The following LZTR1 variants were observed in gnomAD, a reference collection of about 807,000 sequenced individuals.
LZTR1 encodes the protein leucine-zipper-like transcriptional regulator 1.
A neutral mutation model predicts 105.7 loss-of-function variants in LZTR1; 260 were observed. The ratio of observed to expected loss-of-function variants is 2.46; its 90% CI spans 2.22 to 2.72. The LOEUF is 2.72. Among genes scored for constraint, LZTR1 ranks in the 30% most tolerant of loss-of-function variants. LZTR1 has a pLI of 0.00. For missense variants in LZTR1, 1,214 were observed against 1,166.9 expected (o/e 1.04, Z -0.59); for synonymous variants, 490 against 476.4 (o/e 1.03, Z -0.37).
At chr22:20,992,033 G>A (rs1036539397) in intron 9 of LZTR1, among the ~76,000 whole-genome samples, 181 bp from the exon 10 acceptor site, 4 of 152,230 alleles carry the variant, frequency 2.6e-5, no homozygotes, top group South Asian at 2.1e-4. Context: ...GGTAGTTAAC[G>A]CTTCACACCC....
chr22:20,994,033 C>T lies in LZTR1; in HGVS notation c.1449+14C>T. The T allele has an allele frequency of 1.3e-6, 2 of 1,598,600 alleles. No individual in the cohort carries two copies. The highest frequency in any genetic ancestry group is 1.7e-6 in the Non-Finnish European group (2 of 1,174,434). ...AGGCTGGCCCAGGTGAGGTGCCTAA[C>T]CGCCCTGCCCTGACCTGGCAGCCAT... On this transcript the variant is annotated intron_variant, in intron 13 of 20. Transcript: ENST00000646124.
rs1025679501 is a variant in LZTR1, at chr22:20,994,125, C to A, written c.1471C>A (p.Pro491Thr). 1 of 1,585,634 alleles carries A rather than the reference C, an allele frequency of 6.3e-7. No individual in the cohort carries two copies. The highest frequency in any genetic ancestry group is 8.6e-7 in the Non-Finnish European group (1 of 1,164,642). Reference sequence around the variant, plus strand: ...ACAGAAGCTGGAGCAGGAGGCCGCCCCAGTTCCCAGGGAGGCCCCCGGCGT... The same window carrying A: ...ACAGAAGCTGGAGCAGGAGGCCGCCACAGTTCCCAGGGAGGCCCCCGGCGT... ...LAQKLEQEAA[P>T]VPREAPGVAA... Residue 491 changes from proline (P) to threonine (T), a missense_variant, in exon 14 of 21, where the codon CCA (proline) becomes ACA (threonine). Physicochemically the swap from Pro to Thr is conservative, Grantham distance 38. Transcript: ENST00000646124.
In LZTR1 at chr22:20,995,844, C is replaced by G; in HGVS notation, c.2041C>G (p.His681Asp). ...GCTTGACGGGCACCCACGGCCAGCC[C>G]ACAAGGCTATCCTGGCCGCCCGCTC... ...LLLDGHPRPA[H>D]KAILAARSSY... The change falls in exon 17 of 21, where the codon CAC becomes GAC. Residue 681 changes from histidine to aspartate, a missense_variant. By Grantham distance (81) the His-to-Asp change is moderately conservative (BLOSUM62 -1). Coordinates refer to ENST00000646124, the MANE Select transcript of LZTR1 (RefSeq NM_006767.4). The G allele has an allele frequency of 6.2e-7, 1 of 1,613,138 alleles. No individual in the cohort carries two copies. Among genetic ancestry groups the G allele is most frequent in the Non-Finnish European group, 8.5e-7 (1 of 1,179,976 alleles).
chr22:20,994,360 G>A (rs1245773113), intron 14 of LZTR1, 91 bp downstream of exon 14: 1 of 1,442,080 alleles, frequency 6.9e-7, no homozygotes, highest in Non-Finnish European at 9.4e-7. Context: ...CTGCCTTACT[G>A]ATGGGCCCCC....
chr22:20,993,124 C>A (rs191575028), intron 11 of LZTR1, among the ~76,000 whole-genome samples: 2 of 152,208 alleles, frequency 1.3e-5, no homozygotes, highest in Non-Finnish European at 2.9e-5. Flanking sequence ...TGCTGGGGCT[C>A]ACGGCAGAGT....
Position 20,991,683 on chromosome 22 carries a change from C to CG in LZTR1, c.849dup (p.Arg284AlafsTer10). 1.2e-6 allele frequency: 2 copies of CG among 1,603,742 alleles called. No individual in the cohort carries two copies. Among genetic ancestry groups the CG allele is most frequent in the Non-Finnish European group, 1.7e-6 (2 of 1,177,040 alleles). On this transcript the variant is annotated frameshift_variant, in exon 9 of 21. Transcript: ENST00000646124. LOFTEE classifies it high-confidence loss of function. The stretch of plus-strand genomic sequence containing the variant: ...CCGGGGCTCCCCACCACCCCCGCAG[C>CG]GGCGCTACGGGCATACCATGGTGGC...
chr22:20,993,628 T>A, intron 11 of LZTR1, 34 bp from the exon 12 acceptor site: 1 of 1,584,570 alleles, frequency 6.3e-7, no homozygotes. Flanking sequence ...CCCTGCTGTC[T>A]GCAACATCTA....
At chr22:20,991,426 AC>A in intron 8 of LZTR1, 2 of 581,748 alleles carry the variant, frequency 3.4e-6, no homozygotes, top group Non-Finnish European at 3.1e-6. Context: ...GCGGTGGGCC[AC>A]ATGGAGCCAG....
rs1555927174 is a variant in LZTR1, at chr22:20,984,614, G to GT, written c.264-1227_264-1226insT. Among the ~76,000 whole-genome samples the GT allele has an allele frequency of 1.5e-4, 17 of 115,408 alleles. 1 individual carries two copies. The South Asian group carries it at 2.7e-3, about 19-fold the overall frequency. The allele number at this position is 115,408 out of a possible 152,430, so 75.7% of individuals were successfully genotyped here. The stretch of plus-strand genomic sequence containing the variant: ...CTGCGGCACGTGGGGCAAGTAAGGA[G>GT]GGGGGGGGGGCGGTATCACAATCAC... On this transcript the variant is annotated intron_variant, in intron 2 of 20. Coordinates refer to ENST00000646124, the MANE Select transcript of LZTR1 (RefSeq NM_006767.4).
Position 20,997,546 on chromosome 22 carries a change from C to T in LZTR1, c.*198C>T. The T allele has an allele frequency of 1.8e-6, 1 of 553,086 alleles. No homozygotes were observed. Among genetic ancestry groups the T allele is most frequent in the East Asian group, 3.0e-5 (1 of 32,952 alleles). The allele number at this position is 553,086 out of a possible 1,614,324, so 34.3% of individuals were successfully genotyped here. ...TAATTCACTGAAGACACAGGTCCCA[C>T]AGGGAGCGGATGATGAAGCAGACCC... On this transcript the variant is annotated 3_prime_UTR_variant, in exon 21 of 21. Coordinates refer to ENST00000646124, the MANE Select transcript of LZTR1 (RefSeq NM_006767.4).
Position 20,996,754 on chromosome 22 carries a change from T to C in LZTR1, c.2278T>C (p.Cys760Arg), listed in dbSNP as rs1419388177. ...GFYNNRLQAY[C>R]KQNLEMNVTV... ...CTACAACAACCGGCTGCAGGCGTAC[T>C]GCAAGCAGAACCTGGAGATGAACGT... Residue 760 changes from cysteine to arginine, a missense_variant, in exon 19 of 21, where the codon TGC (cysteine) becomes CGC (arginine). Transcript: ENST00000646124. 3.7e-6 allele frequency: 6 copies of C among 1,613,552 alleles called. No individual in the cohort carries two copies. The highest frequency in any genetic ancestry group is 3.3e-5 in the Admixed American group (2 of 60,018).
chr22:20,997,816 C>G lies in LZTR1; in HGVS notation c.*468C>G, dbSNP rs997586820. On this transcript the variant is annotated 3_prime_UTR_variant, in exon 21 of 21. Coordinates refer to ENST00000646124, the MANE Select transcript of LZTR1 (RefSeq NM_006767.4). ...CGAATCTGCCTGGGCTGCTCCTGTC[C>G]CACCCACCCTCACTGAGATCCATGT... 6.3e-6 allele frequency: 1 copy of G among 159,034 alleles called. No individual in the cohort carries two copies. The highest frequency in any genetic ancestry group is 2.4e-5 in the African/African-American group (1 of 40,828). 9.9% of individuals were successfully genotyped at this position (159,034 alleles called of 1,614,324 possible).
chr22:20,994,194 CG>C lies in LZTR1; in HGVS notation c.1543del (p.Glu515ArgfsTer41). ...ARPPLLHVAIREAEARPFEVL... is the reference protein window; with the variant it reads ...ARPPLLHVAIXEAEARPFEVL... Reference sequence around the variant, plus strand: ...GCCGCCCCTGCTGCACGTGGCCATCCGGGAGGCCGAGGCCCGGCCCTTCGAG... The same window carrying C: ...GCCGCCCCTGCTGCACGTGGCCATCCGGAGGCCGAGGCCCGGCCCTTCGAG... On this transcript the variant is annotated frameshift_variant, in exon 14 of 21. Transcript: ENST00000646124. LOFTEE classifies it high-confidence loss of function. 1 of 1,603,350 alleles carries C rather than the reference CG, an allele frequency of 6.2e-7. No individual in the cohort carries two copies. Among genetic ancestry groups the C allele is most frequent in the Non-Finnish European group, 8.5e-7 (1 of 1,178,430 alleles).
In LZTR1 at chr22:20,994,689, T is replaced by C. The variant is rs752876197; in HGVS notation, c.1747T>C (p.Cys583Arg). 3.1e-6 allele frequency: 5 copies of C among 1,612,612 alleles called. No homozygotes were observed. The highest frequency in any genetic ancestry group is 1.7e-5 in the Admixed American group (1 of 60,002). The stretch of plus-strand genomic sequence containing the variant: ...GGACCTGCAGAACGTGCTGGTTGTG[T>C]GCGAGAGTGCCGCCCGGCTGCAGCT... ...SVDLQNVLVVCESAARLQLSQ... is the reference protein window; with the variant it reads ...SVDLQNVLVVRESAARLQLSQ... The change falls in exon 15 of 21, where the codon TGC becomes CGC. Residue 583 changes from cysteine to arginine, a missense_variant. By Grantham distance (180) the Cys-to-Arg change is radical. Coordinates refer to ENST00000646124, the MANE Select transcript of LZTR1 (RefSeq NM_006767.4).
chr22:20,997,477 G>A lies in LZTR1; in HGVS notation c.*129G>A. ...GCCAGGCCAAGGGTCAGGGTGCCCA[G>A]AGCCTCCAAAGAGAGCTGAGGGGAT... On this transcript the variant is annotated 3_prime_UTR_variant, in exon 21 of 21. Coordinates refer to ENST00000646124, the MANE Select transcript of LZTR1 (RefSeq NM_006767.4). The A allele has an allele frequency of 1.4e-6, 1 of 728,088 alleles. No homozygotes were observed. Among genetic ancestry groups the A allele is most frequent in the Non-Finnish European group, 2.4e-6 (1 of 423,626 alleles). The allele number at this position is 728,088 out of a possible 1,614,324, so 45.1% of individuals were successfully genotyped here. A position where few individuals can be genotyped will look rare whatever the true frequency, so the allele number is the denominator to read the frequency against.
intron 2 of LZTR1, among the ~76,000 whole-genome samples, chr22:20,984,174 C>T (rs1306694808): frequency 6.6e-6 from 1 of 152,226 alleles, no homozygotes; most frequent in East Asian, 1.9e-4. Context: ...CTCCATACCT[C>T]TTACCATCTT....
Position 20,988,085 on chromosome 22 carries a change from C to T in LZTR1, c.476C>T (p.Thr159Ile). ...GACCTCTTTGAATACAAGTTTGCAACTGGCCAGTGGACGGAGTGGAAAATT... is the reference window on the plus strand; with the variant it reads ...GACCTCTTTGAATACAAGTTTGCAATTGGCCAGTGGACGGAGTGGAAAATT... ...KNDLFEYKFATGQWTEWKIEG... is the reference protein window; with the variant it reads ...KNDLFEYKFAIGQWTEWKIEG... The change falls in exon 5 of 21, where the codon ACT becomes ATT. Residue 159 changes from threonine (T) to isoleucine (I), a missense_variant. Coordinates refer to ENST00000646124, the MANE Select transcript of LZTR1 (RefSeq NM_006767.4). The T allele has an allele frequency of 1.2e-6, 2 of 1,612,848 alleles. No individual in the cohort carries two copies. The highest frequency in any genetic ancestry group is 1.1e-5 in the South Asian group (1 of 91,038).
rs1354288106 is a variant in LZTR1 at position 20,986,419 on chromosome 22, A to AGAT, written c.320+522_320+523insGAT. On this transcript the variant is annotated intron_variant, in intron 3 of 20. Transcript: ENST00000646124. ...ATAGATAGATAGATAGATAGATAGA[A>AGAT]AGAAAGATAGATAGATGATAGAAAG... The AGAT allele has an allele frequency of 6.7e-3, 481 of 72,166 alleles. 5 individuals carry two copies. The highest frequency in any genetic ancestry group is 0.016 in the Middle Eastern group (2 of 124). 4.5% of individuals were successfully genotyped at this position (72,166 alleles called of 1,614,324 possible). A position where few individuals can be genotyped will look rare whatever the true frequency, so the allele number is the denominator to read the frequency against.
In LZTR1 at chr22:20,992,850, C is replaced by T; in HGVS notation, c.1206C>T (p.Ile402=). Residue 402 remains isoleucine, a synonymous_variant, in exon 11 of 21, where the codon ATC becomes ATT. Coordinates refer to ENST00000646124, the MANE Select transcript of LZTR1 (RefSeq NM_006767.4). ...AAAVISDAMY[I]FGGTVDNNIR... is the part of the protein sequence containing the mutation. ...CTGTCATCTCGGACGCCATGTACATCTTCGGGGGCACGGTGGACAACAACA... is the reference window on the plus strand; with the variant it reads ...CTGTCATCTCGGACGCCATGTACATTTTCGGGGGCACGGTGGACAACAACA... 6.2e-7 allele frequency: 1 copy of T among 1,610,392 alleles called. No homozygotes were observed. The highest frequency in any genetic ancestry group is 1.1e-5 in the South Asian group (1 of 90,242).
Sources: gnomAD v4.1 joint callset for allele counts (sites outside exome capture counted in the v4.1 genomes callset) on GRCh38, gnomAD v4.1.1 for gene constraint, MANE v1.5 for transcripts, NCBI Gene and HGNC (gene_info 2026-07-23, HGNC 2026-07-21) for gene names.